TNK2: variants seen among roughly 807,000 people sequenced by gnomAD.
TNK2 encodes activated CDC42 kinase 1.
In TNK2, 83 loss-of-function variants were observed where a neutral mutation model predicts 101.8. The ratio of observed to expected loss-of-function variants is 0.82; its 90% confidence interval spans 0.68 to 0.98. The LOEUF is 0.98. Among genes scored for constraint, TNK2 ranks in the 50% least tolerant of loss-of-function variants. The pLI is 0.00. For synonymous variants in TNK2, 804 were observed against 633.0 expected (o/e 1.27, Z -4.06); for missense variants, 1,665 against 1,483.2 (o/e 1.12, Z -2.01).
chr3:195,893,775 C>T (rs1759530549), intron 1 of TNK2, among the ~76,000 whole-genome samples: 1 of 152,172 alleles, frequency 6.6e-6, no homozygotes. Flanking sequence ...CCCTGTCCAG[C>T]TGGCCACCAG....
intron 9 of TNK2, chr3:195,876,614 C>A (rs1352535975): frequency 2.2e-6 from 1 of 456,180 alleles, no homozygotes; most frequent in African/African-American, 2.0e-5. Flanking sequence ...CTCCCACCTC[C>A]TGAGCAGCTC....
chr3:195,903,696 G>A (rs1032912283), intron 1 of TNK2, among the ~76,000 whole-genome samples: 2 of 151,938 alleles, frequency 1.3e-5, no homozygotes, highest in African/African-American at 2.4e-5. Flanking sequence ...CAGCCTGGGC[G>A]ACAAGCATGA....
intron 1 of TNK2, among the ~76,000 whole-genome samples, chr3:195,889,002 T>G (rs1194738629): frequency 6.6e-6 from 1 of 152,088 alleles, no homozygotes; most frequent in Non-Finnish European, 1.5e-5. Context: ...CTCCTAATAT[T>G]TGATAAAAAT....
intron 2 of TNK2, among the ~76,000 whole-genome samples, chr3:195,887,869 CGT>C (rs571173413): frequency 6.9e-4 from 100 of 144,326 alleles, no homozygotes; most frequent in Middle Eastern, 4.0e-3. Context: ...TGTGCGCAGG[CGT>C]GTGAGCGCGT....
intron 1 of TNK2, among the ~76,000 whole-genome samples, chr3:195,902,646 TAA>T (rs60167945): frequency 0.15 from 17,852 of 120,360 alleles, 1,539 homozygotes; most frequent in East Asian, 0.43. Context: ...AAAACAAACA[TAA>T]AAAAAAAAAA....
intron 10 of TNK2, among the ~76,000 whole-genome samples, chr3:195,870,930 G>T (rs9860456): frequency 1.5e-4 from 23 of 151,444 alleles, no homozygotes; most frequent in East Asian, 5.8e-4. Context: ...CTGGTGTGTG[G>T]GGGCCCGCTG....
At chr3:195,892,407 T>A in intron 1 of TNK2, 1 of 1,528,980 alleles carries the variant, frequency 6.5e-7, no homozygotes, top group Non-Finnish European at 8.7e-7. Flanking sequence ...TGCCCCCCAC[T>A]CACTGTGTAC....
At chr3:195,905,268 T>C (rs908475541) in intron 1 of TNK2, among the ~76,000 whole-genome samples, 4 of 152,286 alleles carry the variant, frequency 2.6e-5, no homozygotes, top group African/African-American at 7.2e-5. Flanking sequence ...GGCGCAATCT[T>C]GGCTCACTGC....
At chr3:195,891,010 T>C (rs528565454) in intron 1 of TNK2, among the ~76,000 whole-genome samples, 2 of 152,242 alleles carry the variant, frequency 1.3e-5, no homozygotes, top group African/African-American at 2.4e-5. Context: ...CTTCCTCTTA[T>C]GTCTCTTTAT....
In TNK2 at chr3:195,868,467, C is replaced by G; in HGVS notation, c.1831G>C (p.Ala611Pro). The G allele has an allele frequency of 6.4e-7, 1 of 1,554,320 alleles. No homozygotes were observed. Among genetic ancestry groups the G allele is most frequent in the Non-Finnish European group, 8.6e-7 (1 of 1,161,924 alleles). ...APSLAQLAMD[A>P]CSLLDETPPQ... is the part of the protein sequence containing the mutation. ...GGGGTCTCGTCCAGCAGGGAGCAGG[C>G]GTCCATGGCCAGCTGCGCCAGGGAG... Residue 611 changes from alanine (A) to proline (P), a missense_variant, in exon 13 of 16, where the codon GCC becomes CCC. Transcript: ENST00000672887.
intron 10 of TNK2, among the ~76,000 whole-genome samples, chr3:195,870,804 G>A (rs765808031): frequency 2.0e-5 from 3 of 152,266 alleles, no homozygotes; most frequent in Non-Finnish European, 4.4e-5. Context: ...TCCTGGAGGT[G>A]TCTGCAGTCT....
chr3:195,883,066 C>T, intron 5 of TNK2, 91 bp downstream of exon 5: 1 of 1,507,232 alleles, frequency 6.6e-7, no homozygotes, highest in Non-Finnish European at 9.0e-7. Flanking sequence ...ATCTAGGGCG[C>T]CTCTGACCTT....
intron 9 of TNK2, among the ~76,000 whole-genome samples, chr3:195,877,973 G>T (rs1205529953): frequency 6.6e-6 from 1 of 152,116 alleles, no homozygotes; most frequent in Non-Finnish European, 1.5e-5. Context: ...TGCCACCGAG[G>T]CCAGGCCACT....
intron 9 of TNK2, among the ~76,000 whole-genome samples, chr3:195,873,830 G>A (rs1296949922): frequency 6.6e-6 from 1 of 151,938 alleles, no homozygotes; most frequent in Non-Finnish European, 1.5e-5. Flanking sequence ...GAGGCGGGGG[G>A]CGCGGGGCGC....
Position 195,882,564 on chromosome 3 carries a change from A to G in TNK2, c.610-236T>C. On this transcript the variant is annotated intron_variant, in intron 5 of 15. Transcript: ENST00000672887. This position sits in a 1 kb window ranked among gnomAD's most constrained non-coding sequence, Gnocchi z 4.2. Reference sequence around the variant, plus strand: ...GAGCCCAAAGAGGCAGTGGCTAGAAATTCCAAAACTCAGCTGGACGTGGTG... The same window carrying G: ...GAGCCCAAAGAGGCAGTGGCTAGAAGTTCCAAAACTCAGCTGGACGTGGTG... 1 of 1,513,456 alleles carries G rather than the reference A, an allele frequency of 6.6e-7. No homozygotes were observed. The allele number at this position is 1,513,456 out of a possible 1,614,324, so 93.8% of individuals were successfully genotyped here.
chr3:195,866,897 G>C lies in TNK2; in HGVS notation c.3153C>G (p.Ala1051=), dbSNP rs775853956. The change falls in exon 15 of 16, where the codon GCC becomes GCG. Residue 1051 remains alanine (A), a synonymous_variant. Coordinates refer to ENST00000672887, the MANE Select transcript of TNK2 (RefSeq NM_001382273.1). Reference sequence around the variant, plus strand: ...CTGTGGGGCTCACTCACTTGTGGTGGGCAGGGCCCCAGGAGCCCAGAAGGT... The same window carrying C: ...CTGTGGGGCTCACTCACTTGTGGTGCGCAGGGCCCCAGGAGCCCAGAAGGT... ...GCHLLGSWGP[A]HHKR 1 of 1,610,670 alleles carries C rather than the reference G, an allele frequency of 6.2e-7. No homozygotes were observed. Among genetic ancestry groups the C allele is most frequent in the Non-Finnish European group, 8.5e-7 (1 of 1,178,968 alleles).
intron 4 of TNK2, 35 bp downstream of exon 4, chr3:195,884,777 G>A: frequency 6.4e-7 from 1 of 1,567,278 alleles, no homozygotes; most frequent in Non-Finnish European, 8.7e-7. Flanking sequence ...CGGGTCCCAT[G>A]CCTCTGCTGC....
chr3:195,892,892 C>T, intron 1 of TNK2: 1 of 348,692 alleles, frequency 2.9e-6, no homozygotes, highest in Non-Finnish European at 4.1e-6. Context: ...TTCTGAATCA[C>T]TGCCAAGAGG....
At chr3:195,907,433 C>G (rs62283338) in intron 1 of TNK2, among the ~76,000 whole-genome samples, 29,401 of 152,230 alleles carry the variant, frequency 0.19, 3,083 homozygotes, top group Middle Eastern at 0.29. Flanking sequence ...ATCTGACTCA[C>G]AGCCACACCT....
Sources: gnomAD v4.1 joint callset for allele counts (sites outside exome capture counted in the v4.1 genomes callset) on GRCh38, gnomAD v4.1.1 for gene constraint, Gnocchi (gnomAD v3.1) non-coding constraint, MANE v1.5 for transcripts, NCBI Gene and HGNC (gene_info 2026-07-23, HGNC 2026-07-21) for gene names.